The following ARIH1 variants were observed in gnomAD, a reference collection of about 807,000 sequenced individuals.
ARIH1 encodes the protein ariadne RBR E3 ubiquitin protein ligase 1.
A neutral mutation model predicts 85.0 loss-of-function variants in ARIH1; 8 were observed. The ratio of observed to expected loss-of-function variants is 0.09; its 90% confidence interval spans 0.06 to 0.17. ARIH1 has a LOEUF of 0.17. Among genes scored for constraint, ARIH1 ranks in the 10% least tolerant of loss-of-function variants. The pLI, the probability that ARIH1 is intolerant of heterozygous loss-of-function variation, is 1.00. For synonymous variants in ARIH1, 238 were observed against 253.6 expected (o/e 0.94, Z 0.59); for missense variants, 311 against 718.1 (o/e 0.43, Z 6.48).
intron 7 of ARIH1, chr15:72,566,321 C>G: frequency 4.6e-6 from 2 of 437,902 alleles, no homozygotes; most frequent in South Asian, 4.8e-5. Flanking sequence ...AAATTGTCAT[C>G]AAAGCGTGTC....
At chr15:72,524,878 G>A (rs1449685147) in intron 2 of ARIH1, among the ~76,000 whole-genome samples, 2 of 152,034 alleles carry the variant, frequency 1.3e-5, no homozygotes, top group African/African-American at 4.8e-5. Flanking sequence ...ACGACTCTTA[G>A]TAGGATTTCT....
At chr15:72,561,596 A>C in intron 6 of ARIH1, 47 bp downstream of exon 6, 1 of 1,085,508 alleles carries the variant, frequency 9.2e-7, no homozygotes, top group South Asian at 1.5e-5. Flanking sequence ...CTGTTTATTA[A>C]TAGAAATACT....
At chr15:72,526,218 C>T (rs1375405662) in intron 2 of ARIH1, among the ~76,000 whole-genome samples, 4 of 152,090 alleles carry the variant, frequency 2.6e-5, no homozygotes, top group African/African-American at 9.7e-5. Flanking sequence ...TTTCCTTTGT[C>T]ATTTCCATAT....
chr15:72,484,167 C>G lies in ARIH1; in HGVS notation c.375+9153C>G, dbSNP rs1256360652. ...CAGCCTGGGCAACAAGAGTGAAACTCCATCAAAAAAAAAAAAAAAAAAGAA... is the reference window on the plus strand; with the variant it reads ...CAGCCTGGGCAACAAGAGTGAAACTGCATCAAAAAAAAAAAAAAAAAAGAA... On this transcript the variant is annotated intron_variant, in intron 1 of 13. Coordinates refer to ENST00000379887, the MANE Select transcript of ARIH1 (RefSeq NM_005744.5). Among the ~76,000 whole-genome samples, 175 of 71,566 alleles carry G rather than the reference C, an allele frequency of 2.4e-3. 2 individuals carry two copies. Among genetic ancestry groups the G allele is most frequent in the Non-Finnish European group, 4.6e-3 (131 of 28,206 alleles). 47.0% of individuals were successfully genotyped at this position (71,566 alleles called of 152,430 possible).
At chr15:72,546,644 G>A (rs983172825) in intron 3 of ARIH1, among the ~76,000 whole-genome samples, 1 of 151,504 alleles carries the variant, frequency 6.6e-6, no homozygotes, top group African/African-American at 2.4e-5. Flanking sequence ...CACCATGTCT[G>A]GCTGATTTTT....
chr15:72,483,001 C>G (rs1316536785), intron 1 of ARIH1, among the ~76,000 whole-genome samples: 2 of 152,040 alleles, frequency 1.3e-5, no homozygotes, highest in African/African-American at 2.4e-5. Context: ...CCACCACACC[C>G]CAGCTTATTT....
intron 2 of ARIH1, among the ~76,000 whole-genome samples, chr15:72,523,768 A>T (rs184413882): frequency 6.6e-6 from 1 of 151,520 alleles, no homozygotes; most frequent in Admixed American, 6.6e-5. Context: ...TAGCTTCTGC[A>T]TATGTTTGCT....
intron 11 of ARIH1, 105 bp downstream of exon 11, chr15:72,572,270 C>G: frequency 1.3e-6 from 1 of 785,060 alleles, no homozygotes; most frequent in South Asian, 1.7e-5. Context: ...CAGTGTCTCG[C>G]TTTGTCGCCC....
At chr15:72,577,792 A>G (rs573244931) in intron 11 of ARIH1, among the ~76,000 whole-genome samples, 105 of 152,334 alleles carry the variant, frequency 6.9e-4, no homozygotes, top group Non-Finnish European at 1.1e-3. Flanking sequence ...TGGCAGAGGT[A>G]GAGGAAGTCG....
chr15:72,576,747 C>G (rs1025068096), intron 11 of ARIH1, among the ~76,000 whole-genome samples: 2 of 151,900 alleles, frequency 1.3e-5, no homozygotes, highest in Non-Finnish European at 2.9e-5. Flanking sequence ...CTTTACATAT[C>G]TCTAAAGACA....
At chr15:72,571,463 A>T (rs2064246715) in intron 10 of ARIH1, among the ~76,000 whole-genome samples, 1 of 152,082 alleles carries the variant, frequency 6.6e-6, no homozygotes, top group African/African-American at 2.4e-5. Context: ...TATAGTAACC[A>T]CTCCAGGGGA....
intron 1 of ARIH1, among the ~76,000 whole-genome samples, chr15:72,491,064 C>T (rs967332596): frequency 2.6e-5 from 4 of 151,828 alleles, no homozygotes; most frequent in Non-Finnish European, 5.9e-5. Flanking sequence ...TGCAGTGAGC[C>T]GAGATCGTGC....
intron 1 of ARIH1, among the ~76,000 whole-genome samples, chr15:72,504,600 G>A (rs1205083062): frequency 3.3e-5 from 5 of 152,042 alleles, no homozygotes; most frequent in Non-Finnish European, 4.4e-5. Flanking sequence ...TCTCTCGTTC[G>A]TCTTTATCTG....
intron 1 of ARIH1, among the ~76,000 whole-genome samples, chr15:72,475,857 T>G (rs1443503764): frequency 6.6e-6 from 1 of 152,228 alleles, no homozygotes; most frequent in East Asian, 1.9e-4. Flanking sequence ...TAAGTTAGGC[T>G]TGGTGTAAGT....
In ARIH1 at chr15:72,527,677, C is replaced by G. The variant is rs141754809; in HGVS notation, c.443+9543C>G. ...TCTAGGGAGCATCTTTGGAATTGTA[C>G]TGTCATTGGCCCAGGCCTGACTTGC... On this transcript the variant is annotated intron_variant, in intron 2 of 13. Transcript: ENST00000379887. 7.2e-5 allele frequency among the ~76,000 whole-genome samples: 11 copies of G among 152,354 alleles called. No homozygotes were observed. The East Asian group carries it at 2.1e-3, about 29-fold the overall frequency.
chr15:72,546,021 C>T (rs754033105), intron 3 of ARIH1, among the ~76,000 whole-genome samples: 19 of 152,080 alleles, frequency 1.2e-4, no homozygotes, highest in Non-Finnish European at 8.8e-5. Flanking sequence ...AAGTCTTTGA[C>T]ACTGTTATTT....
intron 2 of ARIH1, among the ~76,000 whole-genome samples, chr15:72,542,293 T>C (rs1473051813): frequency 6.6e-6 from 1 of 152,054 alleles, no homozygotes; most frequent in East Asian, 1.9e-4. Context: ...AAAGTGGTAA[T>C]TAAACACTAT....
Position 72,586,906 on chromosome 15 carries a change from A to G in ARIH1, c.*3614A>G, listed in dbSNP as rs1408726393. The G allele has an allele frequency of 5.4e-6, 1 of 186,732 alleles. No individual in the cohort carries two copies. Among genetic ancestry groups the G allele is most frequent in the African/African-American group, 2.4e-5 (1 of 41,682 alleles). The allele number at this position is 186,732 out of a possible 1,614,324, so 11.6% of individuals were successfully genotyped here. ...TTAGCTAACCTCAAAACTCCTTTAC[A>G]TTACTTTCATTTTAGCTCACTCTTA... On this transcript the variant is annotated 3_prime_UTR_variant, in exon 14 of 14. Transcript: ENST00000379887.
intron 1 of ARIH1, among the ~76,000 whole-genome samples, chr15:72,485,585 A>G (rs1429658414): frequency 6.6e-6 from 1 of 151,984 alleles, no homozygotes; most frequent in Admixed American, 6.6e-5. Context: ...CATTGTTCTT[A>G]GTACCTGTAG....
Sources: allele counts gnomAD v4.1 joint callset (sites outside exome capture counted in the v4.1 genomes callset), GRCh38; gene constraint gnomAD v4.1.1; transcripts MANE v1.5; gene names NCBI Gene and HGNC (gene_info 2026-07-23, HGNC 2026-07-21).